Variants in GAREM1 observed in about 807,000 individuals in gnomAD.
The protein encoded by GAREM1 is GRB2-associated and regulator of MAPK protein 1.
Under a neutral mutation model 71.3 loss-of-function variants are expected in GAREM1, and 26 were observed. The ratio of observed to expected loss-of-function variants is 0.36; its 90% CI spans 0.27 to 0.51. The LOEUF (loss-of-function observed/expected upper bound fraction) is 0.51. Among genes scored for constraint, GAREM1 ranks in the 20% least tolerant of loss-of-function variants. The pLI is 0.95. For missense variants in GAREM1, 1,026 were observed against 1,103.1 expected (o/e 0.93, Z 0.99); for synonymous variants, 440 against 433.2 (o/e 1.02, Z -0.20).
chr18:32,367,101 A>G (rs2047934474), intron 2 of GAREM1, among the ~76,000 whole-genome samples: 1 of 152,240 alleles, frequency 6.6e-6, no homozygotes, highest in African/African-American at 2.4e-5. Context: ...ACATAAAAAC[A>G]GGACACTGTA....
intron 1 of GAREM1, among the ~76,000 whole-genome samples, chr18:32,415,605 A>C (rs1444291688): frequency 6.6e-6 from 1 of 152,182 alleles, no homozygotes; most frequent in Non-Finnish European, 1.5e-5. Context: ...TCATATCAAC[A>C]GAATGAAGGA....
intron 3 of GAREM1, among the ~76,000 whole-genome samples, chr18:32,291,556 G>A (rs749534294): frequency 2.2e-4 from 33 of 151,782 alleles, no homozygotes; most frequent in African/African-American, 4.4e-4. Flanking sequence ...GGTTTATTAC[G>A]TAGGTATACA....
At chr18:32,458,291 T>C (rs910168525) in intron 1 of GAREM1, among the ~76,000 whole-genome samples, 1 of 152,064 alleles carries the variant, frequency 6.6e-6, no homozygotes, top group African/African-American at 2.4e-5. Context: ...TGGGGAACTC[T>C]CCATGAATGG....
intron 1 of GAREM1, among the ~76,000 whole-genome samples, chr18:32,417,918 G>C (rs1490690069): frequency 6.6e-6 from 1 of 151,984 alleles, no homozygotes; most frequent in African/African-American, 2.4e-5. Context: ...CACTTGAGGA[G>C]ATACCCAATT....
intron 1 of GAREM1, among the ~76,000 whole-genome samples, chr18:32,398,659 A>AT (rs761356715): frequency 6.6e-6 from 1 of 152,218 alleles, no homozygotes; most frequent in Non-Finnish European, 1.5e-5. Context: ...AGGCTCTGAA[A>AT]TTGAGGCAAT....
chr18:32,405,621 G>A (rs2048357578), intron 1 of GAREM1, among the ~76,000 whole-genome samples: 1 of 152,186 alleles, frequency 6.6e-6, no homozygotes, highest in African/African-American at 2.4e-5. Context: ...GCAGTTAAGT[G>A]TGCCATGTCA....
intron 1 of GAREM1, among the ~76,000 whole-genome samples, chr18:32,420,598 C>T (rs8089997): frequency 0.39 from 59,690 of 151,812 alleles, 14,689 homozygotes; most frequent in African/African-American, 0.7. Flanking sequence ...TTGTAAAAAA[C>T]GTTTCCATTT....
chr18:32,470,712 C>G lies in GAREM1; in HGVS notation c.-284G>C, dbSNP rs1177001851. 6.7e-6 allele frequency among the ~76,000 whole-genome samples: 1 copy of G among 149,592 alleles called. No individual in the cohort carries two copies. Among genetic ancestry groups the G allele is most frequent in the Non-Finnish European group, 1.5e-5 (1 of 66,996 alleles). On this transcript the variant is annotated 5_prime_UTR_variant, in exon 1 of 6. Coordinates refer to ENST00000269209, the MANE Select transcript of GAREM1 (RefSeq NM_001242409.2). This position sits in a 1 kb window ranked among gnomAD's most constrained non-coding sequence, Gnocchi z 4.4. Reference sequence around the variant, plus strand: ...GCGGCTGCGGGCGGCGGCGGCGGCCCGGGTGGCTGCGGCGGCTCCCGCTCC... The same window carrying G: ...GCGGCTGCGGGCGGCGGCGGCGGCCGGGGTGGCTGCGGCGGCTCCCGCTCC...
At chr18:32,406,920 T>G (rs1050775617) in intron 1 of GAREM1, among the ~76,000 whole-genome samples, 1 of 152,198 alleles carries the variant, frequency 6.6e-6, no homozygotes, top group Non-Finnish European at 1.5e-5. Flanking sequence ...TGATAAAAGC[T>G]TCCTGCAAAG....
intron 2 of GAREM1, among the ~76,000 whole-genome samples, chr18:32,390,968 G>GA (rs1340493445): frequency 6.6e-6 from 1 of 152,136 alleles, no homozygotes; most frequent in African/African-American, 2.4e-5. Context: ...TAGCCACAAA[G>GA]AATTTTCTTT....
intron 2 of GAREM1, among the ~76,000 whole-genome samples, chr18:32,361,439 C>T (rs1002979140): frequency 1.3e-5 from 2 of 152,072 alleles, no homozygotes; most frequent in Non-Finnish European, 2.9e-5. Flanking sequence ...ATTTGTTTTG[C>T]CTCAATGAAA....
chr18:32,338,763 T>A (rs528146634), intron 2 of GAREM1, among the ~76,000 whole-genome samples: 2 of 152,318 alleles, frequency 1.3e-5, no homozygotes, highest in South Asian at 4.1e-4. Context: ...GGCAGCTTAC[T>A]GAGTGTGATG....
chr18:32,336,355 G>A (rs567726714), intron 2 of GAREM1, among the ~76,000 whole-genome samples: 9 of 151,518 alleles, frequency 5.9e-5, no homozygotes, highest in South Asian at 2.1e-4. Flanking sequence ...GCGTGAACCC[G>A]GGAGGTGGAG....
chr18:32,345,497 G>C (rs2047686953), intron 2 of GAREM1, among the ~76,000 whole-genome samples: 1 of 152,136 alleles, frequency 6.6e-6, no homozygotes, highest in African/African-American at 2.4e-5. Flanking sequence ...ATTTGAACCT[G>C]CACCAAGTTC....
chr18:32,436,165 A>G (rs2048675860), intron 1 of GAREM1, among the ~76,000 whole-genome samples: 1 of 152,238 alleles, frequency 6.6e-6, no homozygotes, highest in African/African-American at 2.4e-5. Context: ...GATAAAGGGA[A>G]GACAATGATG....
At chr18:32,448,793 T>C (rs1207232395) in intron 1 of GAREM1, among the ~76,000 whole-genome samples, 1 of 152,212 alleles carries the variant, frequency 6.6e-6, no homozygotes, top group African/African-American at 2.4e-5. Context: ...AAGTCTTTCT[T>C]GTTGGGGAGA....
chr18:32,382,979 A>C (rs2144644374), intron 2 of GAREM1, among the ~76,000 whole-genome samples: 1 of 152,244 alleles, frequency 6.6e-6, no homozygotes, highest in East Asian at 1.9e-4. Flanking sequence ...GGAATGTAGA[A>C]GGCATGAATG....
chr18:32,311,307 A>G (rs1251671909), intron 2 of GAREM1, among the ~76,000 whole-genome samples: 1 of 152,216 alleles, frequency 6.6e-6, no homozygotes, highest in Non-Finnish European at 1.5e-5. Context: ...ATCATGGGAA[A>G]ATCTCTCAGG....
intron 1 of GAREM1, among the ~76,000 whole-genome samples, chr18:32,457,649 A>G (rs1382516020): frequency 6.6e-6 from 1 of 152,084 alleles, no homozygotes; most frequent in Admixed American, 6.6e-5. Flanking sequence ...ATTCTCTTAA[A>G]GCTATCTTGT....
Sources: gnomAD v4.1 joint callset for allele counts (sites outside exome capture counted in the v4.1 genomes callset) on GRCh38, gnomAD v4.1.1 for gene constraint, Gnocchi (gnomAD v3.1) non-coding constraint, MANE v1.5 for transcripts, NCBI Gene and HGNC (gene_info 2026-07-23, HGNC 2026-07-21) for gene names.